Variants in CDK14 observed in about 807,000 individuals in gnomAD.
The protein encoded by CDK14 is cyclin dependent kinase 14, also known as cyclin-dependent kinase 14.
In CDK14, 34 loss-of-function variants were observed where a neutral mutation model predicts 60.7. The ratio of observed to expected loss-of-function variants is 0.56; its 90% CI spans 0.43 to 0.75. The LOEUF (loss-of-function observed/expected upper bound fraction) is 0.75. CDK14 is among the 30% of genes least tolerant of loss of function. The pLI is 0.00. For missense variants in CDK14, 482 were observed against 564.1 expected (o/e 0.85, Z 1.47); for synonymous variants, 197 against 203.7 (o/e 0.97, Z 0.28).
chr7:91,095,842 AT>A (rs1453823477), intron 12 of CDK14, among the ~76,000 whole-genome samples: 7 of 151,974 alleles, frequency 4.6e-5, no homozygotes, highest in Non-Finnish European at 1.0e-4. Flanking sequence ...TTGGGTGATT[AT>A]TTTTCTACTT....
chr7:90,799,113 G>T (rs7807508), intron 5 of CDK14, among the ~76,000 whole-genome samples: 66,164 of 152,010 alleles, frequency 0.44, 15,194 homozygotes, highest in East Asian at 0.82. Flanking sequence ...TGAACCAGTT[G>T]TCTCTTTTCA....
chr7:90,782,908 A>G (rs1001788067), intron 4 of CDK14, among the ~76,000 whole-genome samples: 2 of 152,158 alleles, frequency 1.3e-5, no homozygotes, highest in Non-Finnish European at 2.9e-5. Flanking sequence ...CAGTGAGAGT[A>G]CAAGGATAGA....
chr7:90,945,487 G>T (rs995065394), intron 8 of CDK14, among the ~76,000 whole-genome samples: 1 of 152,158 alleles, frequency 6.6e-6, no homozygotes, highest in Non-Finnish European at 1.5e-5. Flanking sequence ...CTACTCCTCC[G>T]GGGAGAATTT....
chr7:90,844,945 T>G (rs748131182), intron 5 of CDK14, among the ~76,000 whole-genome samples: 1 of 152,102 alleles, frequency 6.6e-6, no homozygotes, highest in Non-Finnish European at 1.5e-5. Context: ...ATAGTGACCC[T>G]TAGGTTAGTC....
intron 6 of CDK14, among the ~76,000 whole-genome samples, chr7:90,867,534 G>T (rs780275800): frequency 1.3e-5 from 2 of 152,070 alleles, no homozygotes; most frequent in African/African-American, 2.4e-5. Flanking sequence ...TAAGAGCAAA[G>T]CATGTGTAGC....
intron 2 of CDK14, among the ~76,000 whole-genome samples, chr7:90,642,561 A>G (rs1317135074): frequency 2.6e-5 from 4 of 151,950 alleles, no homozygotes; most frequent in Admixed American, 2.6e-4. Flanking sequence ...TTTATTTTTT[A>G]TAGAGACAGG....
At chr7:90,880,741 T>C (rs2117282622) in intron 6 of CDK14, among the ~76,000 whole-genome samples, 1 of 152,222 alleles carries the variant, frequency 6.6e-6, no homozygotes, top group East Asian at 1.9e-4. Flanking sequence ...CAACCAACTT[T>C]GCTGCTCTGC....
At chr7:90,885,712 A>G (rs556102335) in intron 6 of CDK14, among the ~76,000 whole-genome samples, 2 of 152,354 alleles carry the variant, frequency 1.3e-5, no homozygotes, top group Non-Finnish European at 1.5e-5. Flanking sequence ...TGGCACATAT[A>G]CACCATGGAA....
intron 14 of CDK14, among the ~76,000 whole-genome samples, chr7:91,137,415 C>T (rs539458022): frequency 7.9e-5 from 12 of 152,156 alleles, no homozygotes; most frequent in Non-Finnish European, 1.2e-4. Context: ...CAGATTGAAA[C>T]AGTTATCTGC....
intron 10 of CDK14, among the ~76,000 whole-genome samples, chr7:90,996,471 A>G (rs985311827): frequency 5.3e-5 from 8 of 152,218 alleles, no homozygotes; most frequent in African/African-American, 1.9e-4. Flanking sequence ...TAACTTGATA[A>G]AAAGCTATGG....
Position 90,618,392 on chromosome 7 carries a change from C to CTTCCA in CDK14, c.123+14144_123+14148dup, listed in dbSNP as rs201196458. Among the ~76,000 whole-genome samples the CTTCCA allele has an allele frequency of 6.3e-3, 959 of 152,240 alleles. 17 individuals are homozygous for CTTCCA. The highest frequency in any genetic ancestry group is 0.022 in the African/African-American group (914 of 41,540). On this transcript the variant is annotated intron_variant, in intron 2 of 14. Transcript: ENST00000380050. ...CCAATTCACTGGATTTTCTTCTATG[C>CTTCCA]TTCCAATATCATTGCATTTTCTTCT...
At chr7:90,896,377 C>T (rs1584099708) in intron 6 of CDK14, among the ~76,000 whole-genome samples, 1 of 151,800 alleles carries the variant, frequency 6.6e-6, no homozygotes, top group East Asian at 1.9e-4. Flanking sequence ...CTCCTGCTGC[C>T]ATTGAACTTA....
At chr7:91,119,502 A>G (rs1375038968) in intron 14 of CDK14, among the ~76,000 whole-genome samples, 3 of 152,202 alleles carry the variant, frequency 2.0e-5, no homozygotes, top group East Asian at 1.9e-4. Flanking sequence ...AATAAATAAA[A>G]TAAAAAGTGT....
intron 5 of CDK14, among the ~76,000 whole-genome samples, chr7:90,841,652 A>G (rs533573250): frequency 1.6e-5 from 2 of 122,764 alleles, no homozygotes; most frequent in South Asian, 5.9e-4. Context: ...CATCATATAT[A>G]TATATGTACA....
At chr7:90,643,229 G>A (rs1409734717) in intron 2 of CDK14, among the ~76,000 whole-genome samples, 1 of 152,212 alleles carries the variant, frequency 6.6e-6, no homozygotes, top group Non-Finnish European at 1.5e-5. Flanking sequence ...ATCTGGGCAA[G>A]CAGTTCCCAC....
At chr7:90,891,614 A>G (rs1792127881) in intron 6 of CDK14, among the ~76,000 whole-genome samples, 1 of 152,238 alleles carries the variant, frequency 6.6e-6, no homozygotes, top group Admixed American at 6.5e-5. Flanking sequence ...AGTTAAGGAT[A>G]TAGAGTCTGT....
chr7:90,888,514 G>T (rs1324330774), intron 6 of CDK14, among the ~76,000 whole-genome samples: 1 of 152,102 alleles, frequency 6.6e-6, no homozygotes, highest in Non-Finnish European at 1.5e-5. Context: ...GGCTGTATTT[G>T]ATTCCTCTGT....
chr7:91,200,118 G>A (rs776470915), intron 14 of CDK14, among the ~76,000 whole-genome samples: 3 of 152,124 alleles, frequency 2.0e-5, no homozygotes, highest in Non-Finnish European at 4.4e-5. Flanking sequence ...TGTATTTCTA[G>A]CCAAATTATA....
intron 4 of CDK14, among the ~76,000 whole-genome samples, chr7:90,754,513 G>A (rs957650221): frequency 2.6e-5 from 4 of 152,014 alleles, no homozygotes; most frequent in Non-Finnish European, 5.9e-5. Flanking sequence ...GTAAGACCTC[G>A]AAACTCTAAG....
Sources: gnomAD v4.1 joint callset for allele counts (sites outside exome capture counted in the v4.1 genomes callset) on GRCh38, gnomAD v4.1.1 for gene constraint, MANE v1.5 for transcripts, NCBI Gene and HGNC (gene_info 2026-07-23, HGNC 2026-07-21) for gene names.